Variants in MAGI1 observed in about 807,000 individuals in gnomAD.
MAGI1 encodes membrane-associated guanylate kinase, WW and PDZ domain-containing protein 1.
A neutral mutation model predicts 139.9 loss-of-function variants in MAGI1; 58 were observed. That is an observed-to-expected ratio of 0.41 (90% CI 0.34 to 0.52). The LOEUF (loss-of-function observed/expected upper bound fraction) is 0.52, where lower values mean the gene tolerates loss of function less well. Among genes scored for constraint, MAGI1 ranks in the 20% least tolerant of loss-of-function variants. The pLI, the probability that MAGI1 is intolerant of heterozygous loss-of-function variation, is 0.12. For missense variants in MAGI1, 1,874 were observed against 1,901.6 expected (o/e 0.99, Z 0.27); for synonymous variants, 812 against 737.9 (o/e 1.10, Z -1.63).
At chr3:65,957,548 A>T (rs1327577374) in intron 1 of MAGI1, among the ~76,000 whole-genome samples, 1 of 151,482 alleles carries the variant, frequency 6.6e-6, no homozygotes, top group Non-Finnish European at 1.5e-5. Context: ...AAAGAAAAGA[A>T]AAAGGAATGA....
intron 16 of MAGI1, among the ~76,000 whole-genome samples, chr3:65,380,216 T>C (rs533931627): frequency 7.7e-4 from 117 of 152,324 alleles, no homozygotes; most frequent in African/African-American, 2.7e-3. Flanking sequence ...GACTGCAAGG[T>C]AAAGCACTCC....
At chr3:65,605,889 C>A (rs1008999217) in intron 2 of MAGI1, among the ~76,000 whole-genome samples, 2 of 152,160 alleles carry the variant, frequency 1.3e-5, no homozygotes, top group Admixed American at 6.5e-5. Context: ...TACCCACAAC[C>A]CAGAGAGGAG....
At chr3:65,565,971 A>T (rs1461849453) in intron 2 of MAGI1, among the ~76,000 whole-genome samples, 1 of 151,730 alleles carries the variant, frequency 6.6e-6, no homozygotes, top group East Asian at 2.0e-4. Context: ...ACGTCATAAT[A>T]TTTTAAGTTT....
At chr3:65,504,956 T>C (rs1326402394) in intron 2 of MAGI1, among the ~76,000 whole-genome samples, 1 of 152,158 alleles carries the variant, frequency 6.6e-6, no homozygotes, top group Non-Finnish European at 1.5e-5. Flanking sequence ...TTTCAAACAG[T>C]ATTAAAAAGC....
At chr3:65,606,889 CTCAA>C (rs2082770804) in intron 2 of MAGI1, among the ~76,000 whole-genome samples, 2 of 152,056 alleles carry the variant, frequency 1.3e-5, no homozygotes, top group South Asian at 4.2e-4. Context: ...AACTCCTGAG[CTCAA>C]TCAATCCACC....
At chr3:65,809,878 T>C (rs139802320) in intron 1 of MAGI1, among the ~76,000 whole-genome samples, 101 of 152,182 alleles carry the variant, frequency 6.6e-4, no homozygotes, top group African/African-American at 2.3e-3. Flanking sequence ...CCTAGGCTCC[T>C]TTCCTCTCTA....
At chr3:65,489,439 T>G (rs1392540032) in intron 3 of MAGI1, among the ~76,000 whole-genome samples, 1 of 152,202 alleles carries the variant, frequency 6.6e-6, no homozygotes, top group Non-Finnish European at 1.5e-5. Flanking sequence ...CCTATAGTTA[T>G]GCTCATAATT....
At chr3:65,447,198 T>C (rs954572676) in intron 7 of MAGI1, among the ~76,000 whole-genome samples, 1 of 152,248 alleles carries the variant, frequency 6.6e-6, no homozygotes, top group Non-Finnish European at 1.5e-5. Flanking sequence ...CTGAAACTTA[T>C]GCTTTCCTAT....
At chr3:65,903,780 G>A (rs1279515131) in intron 1 of MAGI1, among the ~76,000 whole-genome samples, 2 of 152,124 alleles carry the variant, frequency 1.3e-5, no homozygotes, top group Admixed American at 6.5e-5. Context: ...GGCCGAGGTG[G>A]GAGGATCACC....
chr3:65,411,426 T>C (rs532949274), intron 12 of MAGI1, among the ~76,000 whole-genome samples: 1 of 152,214 alleles, frequency 6.6e-6, no homozygotes, highest in Non-Finnish European at 1.5e-5. Context: ...GGTGAAACTA[T>C]GGTGGCCTGA....
At chr3:65,545,557 C>T (rs1465274317) in intron 2 of MAGI1, among the ~76,000 whole-genome samples, 5 of 152,176 alleles carry the variant, frequency 3.3e-5, no homozygotes, top group African/African-American at 1.2e-4. Context: ...TACTTTCAGA[C>T]AGGCCTTTAT....
intron 1 of MAGI1, among the ~76,000 whole-genome samples, chr3:65,732,169 A>C (rs930039207): frequency 1.8e-4 from 28 of 152,350 alleles, no homozygotes; most frequent in African/African-American, 6.7e-4. Context: ...GAGATAACAG[A>C]ATCTAGAGAA....
chr3:65,695,878 T>G (rs2107587516), intron 1 of MAGI1, among the ~76,000 whole-genome samples: 1 of 152,296 alleles, frequency 6.6e-6, no homozygotes, highest in Middle Eastern at 3.4e-3. Flanking sequence ...CCACCAATAT[T>G]TGTGCTTTAC....
chr3:65,617,687 G>C (rs1414563245), intron 2 of MAGI1, among the ~76,000 whole-genome samples: 1 of 152,096 alleles, frequency 6.6e-6, no homozygotes, highest in African/African-American at 2.4e-5. Context: ...TGGGGCTCAA[G>C]ACTCTGACCT....
At chr3:65,642,610 C>G (rs778325049) in intron 1 of MAGI1, among the ~76,000 whole-genome samples, 3 of 152,112 alleles carry the variant, frequency 2.0e-5, no homozygotes, top group Non-Finnish European at 2.9e-5. Context: ...CTCAAAAGTT[C>G]AAGCAAAATC....
intron 1 of MAGI1, among the ~76,000 whole-genome samples, chr3:65,731,663 T>TAA (rs35714265): frequency 1.8e-5 from 2 of 112,914 alleles, no homozygotes; most frequent in East Asian, 2.3e-4. Context: ...TCAAAAAATT[T>TAA]AAAAAAAAAA....
rs533031684 is a variant in MAGI1 at position 65,684,652 on chromosome 3, CA to C, written c.314-62565del. Among the ~76,000 whole-genome samples the C allele has an allele frequency of 3.0e-4, 46 of 152,010 alleles. No homozygotes were observed. In the South Asian group the frequency reaches 9.6e-3, roughly 32 times the overall value. Reference sequence around the variant, plus strand: ...ATAAATCTAAATACACACATACGCACAAAAAAGTATAAGTAAAACTGGGGAA... The same window carrying C: ...ATAAATCTAAATACACACATACGCACAAAAAGTATAAGTAAAACTGGGGAA... On this transcript the variant is annotated intron_variant, in intron 1 of 22. Transcript: ENST00000402939.
At chr3:65,455,896 T>C (rs778675651) in intron 5 of MAGI1, among the ~76,000 whole-genome samples, 3 of 152,220 alleles carry the variant, frequency 2.0e-5, no homozygotes, top group Non-Finnish European at 4.4e-5. Context: ...TAGTATTCCA[T>C]GGAATGAATG....
chr3:65,671,343 G>C (rs1035147651), intron 1 of MAGI1, among the ~76,000 whole-genome samples: 2 of 152,162 alleles, frequency 1.3e-5, no homozygotes, highest in East Asian at 1.9e-4. Context: ...AGGATGTGCA[G>C]CAGTATCCTC....
Sources: gnomAD v4.1 joint callset for allele counts (sites outside exome capture counted in the v4.1 genomes callset) on GRCh38, gnomAD v4.1.1 for gene constraint, MANE v1.5 for transcripts, NCBI Gene and HGNC (gene_info 2026-07-23, HGNC 2026-07-21) for gene names.